FMN2: variants seen among roughly 807,000 people sequenced by gnomAD.
The protein encoded by FMN2 is formin-2.
FMN2 carries 51 observed loss-of-function variants against 142.3 expected under a neutral mutation model. The ratio of observed to expected loss-of-function variants is 0.36; its 90% CI spans 0.29 to 0.45. FMN2 has a LOEUF of 0.45. Ranked by LOEUF, FMN2 falls within the 20% of genes least tolerant of loss-of-function variation. FMN2 has a pLI of 1.00. For synonymous variants in FMN2, 882 were observed against 869.8 expected, an observed-to-expected ratio of 1.01 and a Z score of -0.25; for missense variants, 1,936 against 2,122.8, an observed-to-expected ratio of 0.91 and a Z score of 1.73.
chr1:240,130,162 T>C (rs1662678799), intron 2 of FMN2, among the ~76,000 whole-genome samples: 1 of 152,210 alleles, frequency 6.6e-6, no homozygotes, highest in Non-Finnish European at 1.5e-5. Context: ...GAAAGACATA[T>C]GGATGCTGTG....
intron 6 of FMN2, among the ~76,000 whole-genome samples, chr1:240,226,454 A>G (rs996856758): frequency 1.4e-4 from 21 of 152,216 alleles, no homozygotes; most frequent in Admixed American, 7.9e-4. Context: ...TAAAATGGAG[A>G]CAAAAGACAG....
chr1:240,144,646 C>A, intron 2 of FMN2: 1 of 1,291,480 alleles, frequency 7.7e-7, no homozygotes, highest in Non-Finnish European at 1.1e-6. Context: ...GGACTGAGTT[C>A]TCAGGCTCAG....
intron 6 of FMN2, chr1:240,236,030 T>G (rs776281248): frequency 6.6e-6 from 1 of 152,210 alleles, no homozygotes; most frequent in African/African-American, 2.4e-5. Flanking sequence ...GTGTTTTTGG[T>G]GTGGAATTAC....
Position 240,188,216 on chromosome 1 carries a change from C to T in FMN2, c.1940C>T (p.Ser647Phe). 3 of 1,613,820 alleles carry T rather than the reference C, an allele frequency of 1.9e-6. No homozygotes were observed. The East Asian group carries it at 6.7e-5, about 36-fold the overall frequency. Residue 647 changes from serine to phenylalanine, a missense_variant, in exon 4 of 18, where the codon TCT becomes TTT. Ser to Phe is a radical substitution (Grantham distance 155, BLOSUM62 -2). Transcript: ENST00000319653. ...RLEDAETESQSAVSETPQKRS... is the reference protein window; with the variant it reads ...RLEDAETESQFAVSETPQKRS... Reference sequence around the variant, plus strand: ...TTCCTTTCCAATCTAGAATCTCAATCTGCTGTTTCAGAAACTCCCCAAAAA... The same window carrying T: ...TTCCTTTCCAATCTAGAATCTCAATTTGCTGTTTCAGAAACTCCCCAAAAA...
chr1:240,461,234 C>T (rs548119183), intron 16 of FMN2, among the ~76,000 whole-genome samples: 77 of 152,228 alleles, frequency 5.1e-4, no homozygotes, highest in Middle Eastern at 3.4e-3. Context: ...ACAAGTCTGC[C>T]ACAAATTAGT....
At chr1:240,199,380 A>G (rs1464794653) in intron 4 of FMN2, among the ~76,000 whole-genome samples, 1 of 152,218 alleles carries the variant, frequency 6.6e-6, no homozygotes, top group African/African-American at 2.4e-5. Flanking sequence ...AATAAACATA[A>G]TAAAGTTTCA....
intron 15 of FMN2, among the ~76,000 whole-genome samples, chr1:240,434,561 T>TG (rs60553686): frequency 5.3e-4 from 80 of 149,684 alleles, no homozygotes; most frequent in African/African-American, 1.9e-3. Context: ...TTTTGTTTTT[T>TG]TTTGTTTTTT....
Position 240,178,034 on chromosome 1 carries a change from C to T in FMN2, c.1896C>T (p.Pro632=), listed in dbSNP as rs141897898. The change falls in exon 3 of 18, where the codon CCC becomes CCT. Residue 632 remains proline, a synonymous_variant. Transcript: ENST00000319653. ...VPSMGPPSKP[P]DEEHRLEDAE... is the part of the protein sequence containing the mutation. Reference sequence around the variant, plus strand: ...CCATGGGGCCACCATCCAAACCTCCCGATGAGGAACACAGGCTCGAGGATG... The same window carrying T: ...CCATGGGGCCACCATCCAAACCTCCTGATGAGGAACACAGGCTCGAGGATG... 7.4e-4 allele frequency: 1,195 copies of T among 1,609,756 alleles called. 1 individual carries two copies. Among genetic ancestry groups the T allele is most frequent in the Admixed American group, 2.3e-3 (136 of 58,900 alleles).
At position 240,401,997 on chromosome 1, in the gene FMN2, C is replaced by T. The variant is rs573632344; in HGVS notation, c.4910+9435C>T. ...GGAATATGGAGTACCTTGTTCTTTGCAAAGCTTCTTCAAGTGTGGCTCCTA... is the reference window on the plus strand; with the variant it reads ...GGAATATGGAGTACCTTGTTCTTTGTAAAGCTTCTTCAAGTGTGGCTCCTA... On this transcript the variant is annotated intron_variant, in intron 15 of 17. Transcript: ENST00000319653. Among the ~76,000 whole-genome samples the T allele has an allele frequency of 5.0e-3, 754 of 152,306 alleles. 3 individuals are homozygous for T. Among genetic ancestry groups the T allele is most frequent in the Non-Finnish European group, 9.1e-3 (619 of 68,032 alleles).
At chr1:240,113,905 T>C (rs902291793) in intron 1 of FMN2, among the ~76,000 whole-genome samples, 2 of 152,196 alleles carry the variant, frequency 1.3e-5, no homozygotes, top group Non-Finnish European at 2.9e-5. Context: ...GGAACATGCT[T>C]TGTTTAGTTT....
chr1:240,277,620 C>T (rs550548987), intron 7 of FMN2, among the ~76,000 whole-genome samples: 1 of 148,358 alleles, frequency 6.7e-6, no homozygotes, highest in Non-Finnish European at 1.5e-5. Flanking sequence ...GCAACCTCTG[C>T]CTCCCAGGTT....
At chr1:240,392,743 A>C (rs1673646861) in intron 15 of FMN2, among the ~76,000 whole-genome samples, 181 bp downstream of exon 15, 1 of 152,196 alleles carries the variant, frequency 6.6e-6, no homozygotes, top group Middle Eastern at 3.2e-3. Flanking sequence ...TATTCTGGGT[A>C]ACATATAATT....
chr1:240,456,545 C>T (rs1044426055), intron 16 of FMN2, among the ~76,000 whole-genome samples: 3 of 152,202 alleles, frequency 2.0e-5, no homozygotes, highest in African/African-American at 7.2e-5. Flanking sequence ...CAACCTCTGC[C>T]TCCCGAGTTC....
intron 1 of FMN2, among the ~76,000 whole-genome samples, chr1:240,096,665 A>G (rs1661209749): frequency 6.6e-6 from 1 of 152,236 alleles, no homozygotes; most frequent in South Asian, 2.1e-4. Context: ...GGTGATCATT[A>G]TATCTATAAG....
In FMN2 at chr1:240,194,123, C is replaced by T. The variant is rs1665821334; in HGVS notation, c.1986+5861C>T. On this transcript the variant is annotated intron_variant, in intron 4 of 17. Transcript: ENST00000319653. ...ATCTGTCTTATACATGTTTCTTCTG[C>T]ACTCCTCTTTTTAAAAATCTACTTC... Among the ~76,000 whole-genome samples, 3 of 74,422 alleles carry T rather than the reference C, an allele frequency of 4.0e-5. No homozygotes were observed. The South Asian group carries it at 1.3e-3, about 32-fold the overall frequency. 48.8% of individuals were successfully genotyped at this position (74,422 alleles called of 152,430 possible). A position where few individuals can be genotyped will look rare whatever the true frequency, so the allele number is the denominator to read the frequency against.
At chr1:240,226,591 G>A (rs2103432888) in intron 6 of FMN2, among the ~76,000 whole-genome samples, 1 of 152,230 alleles carries the variant, frequency 6.6e-6, no homozygotes, top group East Asian at 1.9e-4. Flanking sequence ...ACAAAAACAA[G>A]GAGCACTGGT....
chr1:240,330,781 A>T, intron 11 of FMN2, 32 bp downstream of exon 11: 1 of 1,600,672 alleles, frequency 6.2e-7, no homozygotes, highest in Non-Finnish European at 8.5e-7. Context: ...ACGTAAGCAC[A>T]TTGAGGAGTC....
rs547192363 is a variant in FMN2 at position 240,286,388 on chromosome 1, A to C, written c.4154-8434A>C. 5.3e-5 allele frequency among the ~76,000 whole-genome samples: 8 copies of C among 152,322 alleles called. No individual in the cohort carries two copies. In the East Asian group the frequency reaches 1.4e-3, roughly 26 times the overall value. ...TGGGAAGGACTTTTTCAGAATGAGCATGTAACTGACTGACTGGCAGCATTC... is the reference window on the plus strand; with the variant it reads ...TGGGAAGGACTTTTTCAGAATGAGCCTGTAACTGACTGACTGGCAGCATTC... On this transcript the variant is annotated intron_variant, in intron 7 of 17. Transcript: ENST00000319653.
chr1:240,455,170 C>T (rs906222873), intron 16 of FMN2, among the ~76,000 whole-genome samples: 2 of 48,900 alleles, frequency 4.1e-5, no homozygotes, highest in African/African-American at 1.5e-4. Flanking sequence ...GAGAACATGA[C>T]CATCGGAAAG....
Sources: allele counts gnomAD v4.1 joint callset (sites outside exome capture counted in the v4.1 genomes callset), GRCh38; gene constraint gnomAD v4.1.1; transcripts MANE v1.5; gene names NCBI Gene and HGNC (gene_info 2026-07-23, HGNC 2026-07-21).